PCDHGA2: variants seen among roughly 807,000 people sequenced by gnomAD.
The protein encoded by PCDHGA2 is protocadherin gamma subfamily A, 2, also known as protocadherin gamma-A2.
In PCDHGA2, 40 loss-of-function variants were observed where a neutral mutation model predicts 59.2. The observed-to-expected ratio is 0.68, with a 90% CI of 0.52 to 0.88. PCDHGA2 has a LOEUF of 0.88. Ranked by LOEUF, PCDHGA2 falls within the 40% of genes least tolerant of loss-of-function variation. PCDHGA2 has a pLI of 0.00. For missense variants in PCDHGA2, 1,226 were observed against 1,204.0 expected (o/e 1.02, Z -0.27); for synonymous variants, 560 against 526.0 (o/e 1.06, Z -0.89).
At position 141,490,370 on chromosome 5, in the gene PCDHGA2, G is replaced by A. The variant is rs768474199; in HGVS notation, c.2425-4437G>A. Reference sequence around the variant, plus strand: ...GTGGGGTTGTTTAATGTGCGAGACCGGGACTCAGGTAGAAATGGTGAAGTG... The same window carrying A: ...GTGGGGTTGTTTAATGTGCGAGACCAGGACTCAGGTAGAAATGGTGAAGTG... On this transcript the variant is annotated intron_variant, in intron 1 of 3. Coordinates refer to ENST00000394576, the MANE Select transcript of PCDHGA2 (RefSeq NM_018915.4). The surrounding 1 kb of genome is among the most constrained non-coding windows in gnomAD (Gnocchi z 5.4). 32 of 1,614,054 alleles carry A rather than the reference G, an allele frequency of 2.0e-5. No homozygotes were observed. The highest frequency in any genetic ancestry group is 1.0e-4 in the Admixed American group (6 of 60,006).
At chr5:141,472,620 A>G (rs2099290656) in intron 1 of PCDHGA2, among the ~76,000 whole-genome samples, 1 of 152,136 alleles carries the variant, frequency 6.6e-6, no homozygotes, top group Admixed American at 6.5e-5. Context: ...AGAAGAAAAA[A>G]GATAAAGACT....
intron 1 of PCDHGA2, chr5:141,410,249 G>A (rs371076854): frequency 1.2e-6 from 2 of 1,613,992 alleles, no homozygotes; most frequent in Non-Finnish European, 8.5e-7. Flanking sequence ...TGTACTCTCT[G>A]ACCCCCAGGC....
At position 141,338,884 on chromosome 5, in the gene PCDHGA2, G is replaced by A. The variant is rs939146397; in HGVS notation, c.-88G>A. 9 of 1,462,850 alleles carry A rather than the reference G, an allele frequency of 6.2e-6. No homozygotes were observed. The African/African-American group carries it at 1.1e-4, about 18-fold the overall frequency. The allele number at this position is 1,462,850 out of a possible 1,614,324, so 90.6% of individuals were successfully genotyped here. A position where few individuals can be genotyped will look rare whatever the true frequency, so the allele number is the denominator to read the frequency against. ...CCATAGGGACCTGGGTCCCGTGAAT[G>A]CTGGTTATCTCACACCCTGAGGAAT... On this transcript the variant is annotated 5_prime_UTR_variant, in exon 1 of 4. An upstream start codon of the reference 5' UTR is lost. Coordinates refer to ENST00000394576, the MANE Select transcript of PCDHGA2 (RefSeq NM_018915.4).
intron 1 of PCDHGA2, among the ~76,000 whole-genome samples, chr5:141,475,442 T>A (rs1007534176): frequency 1.3e-5 from 2 of 152,238 alleles, no homozygotes; most frequent in African/African-American, 4.8e-5. Context: ...TAGCTCCAGA[T>A]AATGAGGAAG....
At position 141,338,873 on chromosome 5, in the gene PCDHGA2, G is replaced by A. The variant is rs1756785079; in HGVS notation, c.-99G>A. 1.4e-6 allele frequency: 2 copies of A among 1,448,524 alleles called. No individual in the cohort carries two copies. The highest frequency in any genetic ancestry group is 1.8e-6 in the Non-Finnish European group (2 of 1,102,090). 89.7% of individuals were successfully genotyped at this position (1,448,524 alleles called of 1,614,324 possible). ...ACCAGTTCTCTCCATAGGGACCTGG[G>A]TCCCGTGAATGCTGGTTATCTCACA... is the stretch of plus-strand genomic sequence containing the variant. On this transcript the variant is annotated 5_prime_UTR_variant, in exon 1 of 4. Coordinates refer to ENST00000394576, the MANE Select transcript of PCDHGA2 (RefSeq NM_018915.4).
chr5:141,375,701 C>T (rs768533909), intron 1 of PCDHGA2: 7 of 1,614,256 alleles, frequency 4.3e-6, no homozygotes, highest in South Asian at 1.1e-5. Context: ...CAGCGGGGAC[C>T]CGCCTCTTAG....
At position 141,432,172 on chromosome 5, in the gene PCDHGA2, C is replaced by A. The variant is rs562175068; in HGVS notation, c.2425-62635C>A. ...AGAACAATCCCAGAGGAGTTTCCCT[C>A]GTCTCTGTGACCGCCCACGACCCCG... On this transcript the variant is annotated intron_variant, in intron 1 of 3. Coordinates refer to ENST00000394576, the MANE Select transcript of PCDHGA2 (RefSeq NM_018915.4). This position sits in a 1 kb window ranked among gnomAD's most constrained non-coding sequence, Gnocchi z 6.0. 5 of 1,614,152 alleles carry A rather than the reference C, an allele frequency of 3.1e-6. No homozygotes were observed. The South Asian group carries it at 4.4e-5, about 14-fold the overall frequency.
intron 1 of PCDHGA2, chr5:141,372,539 G>A: frequency 6.2e-7 from 1 of 1,614,050 alleles, no homozygotes; most frequent in Non-Finnish European, 8.5e-7. Flanking sequence ...CCCTGCGCCT[G>A]CGATGCTCCT....
intron 1 of PCDHGA2, among the ~76,000 whole-genome samples, chr5:141,450,829 A>ATTATTT (rs1554136902): frequency 7.4e-6 from 1 of 135,144 alleles, no homozygotes; most frequent in Admixed American, 7.6e-5. Context: ...TATTATTATT[A>ATTATTT]TTTTTTTTTT....
At chr5:141,366,530 G>A (rs1367752989) in intron 1 of PCDHGA2, 4 of 1,614,230 alleles carry the variant, frequency 2.5e-6, no homozygotes, top group African/African-American at 1.3e-5. Flanking sequence ...CAGGTTGGCG[G>A]GTGTGCCCGC....
Position 141,477,201 on chromosome 5 carries a change from C to T in PCDHGA2, c.2425-17606C>T, listed in dbSNP as rs1269388368. 6.2e-7 allele frequency: 1 copy of T among 1,614,076 alleles called. No homozygotes were observed. Among genetic ancestry groups the T allele is most frequent in the Non-Finnish European group, 8.5e-7 (1 of 1,180,056 alleles). On this transcript the variant is annotated intron_variant, in intron 1 of 3. Transcript: ENST00000394576. The surrounding 1 kb of genome is among the most constrained non-coding windows in gnomAD (Gnocchi z 4.9). ...GTCACCTCCGTGTACAGCCCAGTAC[C>T]CGAGGATGCCCCTCTGGGGACTGTC... is the stretch of plus-strand genomic sequence containing the variant.
At chr5:141,352,717 C>T (rs761909710) in intron 1 of PCDHGA2, 10 of 1,537,788 alleles carry the variant, frequency 6.5e-6, no homozygotes, top group Admixed American at 2.0e-5. Context: ...CGGCCGGGCG[C>T]GGTGGCTCAA....
At chr5:141,402,469 A>G (rs2094270515) in intron 1 of PCDHGA2, among the ~76,000 whole-genome samples, 1 of 152,224 alleles carries the variant, frequency 6.6e-6, no homozygotes. Context: ...ATCTAGAAAT[A>G]GAGTGCAAAG....
In PCDHGA2 at chr5:141,339,078, G is replaced by A; in HGVS notation, c.107G>A (p.Arg36Gln). ...GCCGGGCAGATTCGCTATTCTGTGCGGGAAGAGATCGACAGAGGCTCCTTC... is the reference window on the plus strand; with the variant it reads ...GCCGGGCAGATTCGCTATTCTGTGCAGGAAGAGATCGACAGAGGCTCCTTC... ...ARAGQIRYSVREEIDRGSFVG... is the reference protein window; with the variant it reads ...ARAGQIRYSVQEEIDRGSFVG... The change falls in exon 1 of 4, where the codon CGG (arginine) becomes CAG (glutamine). Residue 36 changes from arginine to glutamine, a missense_variant. Physicochemically the swap from Arg to Gln is conservative, Grantham distance 43 (BLOSUM62 1). Transcript: ENST00000394576. The A allele has an allele frequency of 1.2e-6, 2 of 1,614,182 alleles. No individual in the cohort carries two copies. The highest frequency in any genetic ancestry group is 1.7e-6 in the Non-Finnish European group (2 of 1,179,998).
Position 141,340,009 on chromosome 5 carries a change from A to T in PCDHGA2, c.1038A>T (p.Glu346Asp). The change falls in exon 1 of 4, where the codon GAA becomes GAT. Residue 346 changes from glutamate (E) to aspartate (D), a missense_variant. Coordinates refer to ENST00000394576, the MANE Select transcript of PCDHGA2 (RefSeq NM_018915.4). Reference sequence around the variant, plus strand: ...TGGATGTGAATGACAATGCCCCAGAATTTTACATGACATCTGCTACTAGCT... The same window carrying T: ...TGGATGTGAATGACAATGCCCCAGATTTTTACATGACATCTGCTACTAGCT... Reference protein sequence around the residue: ...TVLDVNDNAPEFYMTSATSSV... With the variant: ...TVLDVNDNAPDFYMTSATSSV... 6.2e-7 allele frequency: 1 copy of T among 1,614,158 alleles called. No individual in the cohort carries two copies. The highest frequency in any genetic ancestry group is 8.5e-7 in the Non-Finnish European group (1 of 1,180,028).
intron 1 of PCDHGA2, chr5:141,372,659 T>A: frequency 6.2e-7 from 1 of 1,614,058 alleles, no homozygotes; most frequent in Non-Finnish European, 8.5e-7. Context: ...ACAATCCGTG[T>A]GCTGCCTCAC....
chr5:141,395,016 G>T, intron 1 of PCDHGA2: 1 of 1,614,068 alleles, frequency 6.2e-7, no homozygotes, highest in Admixed American at 1.7e-5. Flanking sequence ...ATTGGTAGGC[G>T]TGCCTGCCTC....
intron 1 of PCDHGA2, chr5:141,374,228 G>T (rs776875063): frequency 6.2e-7 from 1 of 1,613,990 alleles, no homozygotes; most frequent in Non-Finnish European, 8.5e-7. Flanking sequence ...AGGCAACATC[G>T]TCAAGGATCT....
In PCDHGA2 at chr5:141,360,095, C is replaced by G. The variant is rs1402675837; in HGVS notation, c.2424+18700C>G. On this transcript the variant is annotated intron_variant, in intron 1 of 3. Coordinates refer to ENST00000394576, the MANE Select transcript of PCDHGA2 (RefSeq NM_018915.4). Reference sequence around the variant, plus strand: ...CCCGGATTCTGCCATCCCCGGAAGGCTTATTCCTCCTATGGGCAAAGGAGC... The same window carrying G: ...CCCGGATTCTGCCATCCCCGGAAGGGTTATTCCTCCTATGGGCAAAGGAGC... 8 of 1,523,900 alleles carry G rather than the reference C, an allele frequency of 5.2e-6. No individual in the cohort carries two copies. The African/African-American group carries it at 1.1e-4, about 21-fold the overall frequency. The allele number at this position is 1,523,900 out of a possible 1,614,324, so 94.4% of individuals were successfully genotyped here.
Sources: gnomAD v4.1 joint callset for allele counts (sites outside exome capture counted in the v4.1 genomes callset) on GRCh38, gnomAD v4.1.1 for gene constraint, Gnocchi (gnomAD v3.1) non-coding constraint, MANE v1.5 for transcripts, NCBI Gene and HGNC (gene_info 2026-07-23, HGNC 2026-07-21) for gene names.